The following ASTN2 variants were observed in gnomAD, a reference collection of about 807,000 sequenced individuals.
The protein encoded by ASTN2 is astrotactin 2, also known as astrotactin-2.
A neutral mutation model predicts 139.8 loss-of-function variants in ASTN2; 54 were observed. The ratio of observed to expected loss-of-function variants is 0.39; its 90% CI spans 0.31 to 0.48. ASTN2 has a LOEUF of 0.48. Ranked by LOEUF, ASTN2 falls within the 20% of genes least tolerant of loss-of-function variation. The pLI is 0.95. For missense variants in ASTN2, 1,565 were observed against 1,725.1 expected, an observed-to-expected ratio of 0.91 and a Z score of 1.64; for synonymous variants, 756 against 719.5, an observed-to-expected ratio of 1.05 and a Z score of -0.81.
At chr9:117,211,063 C>G (rs1485958669) in intron 3 of ASTN2, among the ~76,000 whole-genome samples, 1 of 151,078 alleles carries the variant, frequency 6.6e-6, no homozygotes, top group African/African-American at 2.4e-5. Context: ...AAGAAAATAC[C>G]TCAACATAAT....
chr9:117,285,346 T>C (rs756740097), intron 2 of ASTN2, among the ~76,000 whole-genome samples: 2 of 151,114 alleles, frequency 1.3e-5, no homozygotes, highest in Admixed American at 6.6e-5. Context: ...CTAGATTTAA[T>C]AGGCAGGTAA....
intron 10 of ASTN2, among the ~76,000 whole-genome samples, chr9:116,917,300 T>G (rs73527976): frequency 0.018 from 2,763 of 152,160 alleles, 73 homozygotes; most frequent in African/African-American, 0.06. Context: ...TTGCAAGTAT[T>G]AATAATTGGT....
intron 3 of ASTN2, among the ~76,000 whole-genome samples, chr9:117,194,083 T>C (rs948773037): frequency 6.6e-6 from 1 of 152,106 alleles, no homozygotes. Context: ...AGAGCAAATG[T>C]GGAAATGATG....
At chr9:116,587,707 A>G (rs1854214234) in intron 19 of ASTN2, among the ~76,000 whole-genome samples, 1 of 152,146 alleles carries the variant, frequency 6.6e-6, no homozygotes. Flanking sequence ...TGGTTAAGTC[A>G]CTGTCCCCTT....
chr9:116,671,988 AGT>A (rs1288529181), intron 16 of ASTN2, among the ~76,000 whole-genome samples: 1 of 152,188 alleles, frequency 6.6e-6, no homozygotes, highest in East Asian at 1.9e-4. Flanking sequence ...GGGGAAAAAA[AGT>A]GTGTTGTTTC....
At chr9:117,061,974 C>T (rs1341128421) in intron 5 of ASTN2, among the ~76,000 whole-genome samples, 1 of 152,196 alleles carries the variant, frequency 6.6e-6, no homozygotes, top group Non-Finnish European at 1.5e-5. Context: ...CATACTTCTA[C>T]AGATCAAGAT....
intron 10 of ASTN2, among the ~76,000 whole-genome samples, chr9:116,966,124 A>T (rs1277896322): frequency 6.6e-6 from 1 of 152,228 alleles, no homozygotes; most frequent in South Asian, 2.1e-4. Context: ...AAAGATCTGT[A>T]GACGTGTCTC....
chr9:117,363,172 C>CT (rs1484877673), intron 1 of ASTN2, among the ~76,000 whole-genome samples: 3 of 152,162 alleles, frequency 2.0e-5, no homozygotes, highest in African/African-American at 7.2e-5. Context: ...AGGGAGCTAT[C>CT]TGTTTCCTGC....
chr9:116,650,517 C>T (rs573029834), intron 17 of ASTN2, among the ~76,000 whole-genome samples: 14 of 152,142 alleles, frequency 9.2e-5, no homozygotes, highest in African/African-American at 2.7e-4. Context: ...TAAAATGAAC[C>T]ATATGAAATT....
intron 1 of ASTN2, among the ~76,000 whole-genome samples, chr9:117,335,916 T>C (rs1337687996): frequency 6.6e-6 from 1 of 151,822 alleles, no homozygotes; most frequent in African/African-American, 2.4e-5. Context: ...AAAACAGAAA[T>C]GGAGAAAAGG....
At chr9:117,164,547 A>G (rs931173759) in intron 3 of ASTN2, among the ~76,000 whole-genome samples, 1 of 151,966 alleles carries the variant, frequency 6.6e-6, no homozygotes, top group Non-Finnish European at 1.5e-5. Context: ...GTCTCCTTAA[A>G]CCCCTGCCCC....
In ASTN2 at chr9:117,060,236, G is replaced by A. The variant is rs150592432; in HGVS notation, c.1277-20271C>T. Among the ~76,000 whole-genome samples, 1,176 of 150,762 alleles carry A rather than the reference G, an allele frequency of 7.8e-3. 10 individuals carry two copies. The highest frequency in any genetic ancestry group is 0.021 in the Middle Eastern group (6 of 290). ...TGAGGCACAAGAATTGCTTGAACCT[G>A]GGAGGTGGAGTTTACAGTGGGCCAA... is the stretch of plus-strand genomic sequence containing the variant. On this transcript the variant is annotated intron_variant, in intron 5 of 22. Coordinates refer to ENST00000313400, the MANE Select transcript of ASTN2 (RefSeq NM_001365068.1).
intron 10 of ASTN2, among the ~76,000 whole-genome samples, chr9:116,921,227 TG>T (rs1417410100): frequency 6.6e-6 from 1 of 152,098 alleles, no homozygotes; most frequent in Non-Finnish European, 1.5e-5. Flanking sequence ...TCTTAAACCA[TG>T]AGAAACAGCC....
At chr9:116,433,659 T>C (rs1294713454) in intron 22 of ASTN2, among the ~76,000 whole-genome samples, 1 of 152,246 alleles carries the variant, frequency 6.6e-6, no homozygotes, top group African/African-American at 2.4e-5. Flanking sequence ...GCTGGTGTGA[T>C]GAACTTGTGC....
intron 3 of ASTN2, among the ~76,000 whole-genome samples, chr9:117,143,518 A>T (rs768825859): frequency 1.3e-5 from 2 of 152,230 alleles, no homozygotes; most frequent in Admixed American, 6.5e-5. Flanking sequence ...TCATTCATTC[A>T]TTTCTCCACT....
At chr9:117,412,226 G>T (rs1346501106) in intron 1 of ASTN2, among the ~76,000 whole-genome samples, 2 of 152,072 alleles carry the variant, frequency 1.3e-5, no homozygotes, top group Non-Finnish European at 2.9e-5. Context: ...AGCCCAGGGC[G>T]CTAGGGGGAA....
intron 6 of ASTN2, among the ~76,000 whole-genome samples, chr9:117,039,172 G>A (rs985295751): frequency 4.6e-5 from 7 of 152,034 alleles, no homozygotes; most frequent in South Asian, 2.1e-4. Flanking sequence ...AAACTTTATC[G>A]TTGCTCATAA....
intron 2 of ASTN2, among the ~76,000 whole-genome samples, chr9:117,285,613 A>T (rs1834429893): frequency 6.6e-6 from 1 of 152,214 alleles, no homozygotes; most frequent in South Asian, 2.1e-4. Flanking sequence ...GATCATCTAA[A>T]TTGGAGGCAA....
At chr9:116,498,022 C>G (rs554815389) in intron 19 of ASTN2, among the ~76,000 whole-genome samples, 76 of 152,290 alleles carry the variant, frequency 5.0e-4, no homozygotes, top group African/African-American at 1.8e-3. Context: ...AGGTTGCTGA[C>G]GGTGGGCCCT....
Sources: allele counts gnomAD v4.1 joint callset (sites outside exome capture counted in the v4.1 genomes callset), GRCh38; gene constraint gnomAD v4.1.1; transcripts MANE v1.5; gene names NCBI Gene and HGNC (gene_info 2026-07-23, HGNC 2026-07-21).